The following GPC5 variants were observed in gnomAD, a reference collection of about 807,000 sequenced individuals.
GPC5 encodes the protein glypican 5, also known as glypican-5.
In GPC5, 47 loss-of-function variants were observed where a neutral mutation model predicts 53.9. The observed-to-expected ratio is 0.87, with a 90% CI of 0.69 to 1.11. GPC5 has a LOEUF of 1.11. Among genes scored for constraint, GPC5 ranks in the 50% most tolerant of loss-of-function variants. The pLI is 0.00. For synonymous variants in GPC5, 286 were observed against 263.3 expected (o/e 1.09, Z -0.84); for missense variants, 748 against 713.1 (o/e 1.05, Z -0.56).
intron 6 of GPC5, among the ~76,000 whole-genome samples, chr13:92,048,769 T>C (rs1441188482): frequency 6.6e-6 from 1 of 152,210 alleles, no homozygotes; most frequent in Non-Finnish European, 1.5e-5. Context: ...CTTTCATATA[T>C]GACACCGAGC....
chr13:91,535,680 C>T (rs1237215275), intron 2 of GPC5, among the ~76,000 whole-genome samples: 1 of 151,930 alleles, frequency 6.6e-6, no homozygotes, highest in Non-Finnish European at 1.5e-5. Context: ...AACGAATATA[C>T]ATAAAAAAAT....
chr13:92,521,335 A>G (rs1375956780), intron 7 of GPC5, among the ~76,000 whole-genome samples: 1 of 152,172 alleles, frequency 6.6e-6, no homozygotes, highest in Non-Finnish European at 1.5e-5. Context: ...CCTAAGCCAA[A>G]AGAACAAAGC....
intron 2 of GPC5, among the ~76,000 whole-genome samples, chr13:91,594,086 A>G (rs1049478127): frequency 6.6e-6 from 1 of 152,186 alleles, no homozygotes; most frequent in African/African-American, 2.4e-5. Flanking sequence ...ATCTTTCTTC[A>G]TGGGTTTTTC....
intron 7 of GPC5, among the ~76,000 whole-genome samples, chr13:92,244,058 A>G (rs1428765992): frequency 6.6e-6 from 1 of 152,210 alleles, no homozygotes; most frequent in Non-Finnish European, 1.5e-5. Context: ...ATAGAAGAGT[A>G]CACTCTGGAC....
intron 5 of GPC5, among the ~76,000 whole-genome samples, chr13:91,857,880 A>G (rs1795377322): frequency 6.6e-6 from 1 of 151,552 alleles, no homozygotes; most frequent in Non-Finnish European, 1.5e-5. Context: ...TCAGATCACT[A>G]TATGGATTTG....
At chr13:92,090,207 A>G (rs1359285134) in intron 6 of GPC5, among the ~76,000 whole-genome samples, 1 of 152,176 alleles carries the variant, frequency 6.6e-6, no homozygotes, top group African/African-American at 2.4e-5. Context: ...TACAACTTTT[A>G]TTGAAATATT....
At chr13:92,792,710 A>AG (rs1876507946) in intron 7 of GPC5, among the ~76,000 whole-genome samples, 1 of 152,184 alleles carries the variant, frequency 6.6e-6, no homozygotes, top group African/African-American at 2.4e-5. Context: ...GCAAATGGAA[A>AG]GCAAAAAAAG....
Position 92,484,355 on chromosome 13 carries a change from A to G in GPC5, c.1561+339366A>G, listed in dbSNP as rs1293484333. On this transcript the variant is annotated intron_variant, in intron 7 of 7. Transcript: ENST00000377067. ...TTTTTGTTTTTTAATATGCAGAAGG[A>G]GTATACTCTAAAATAACTATAAAAA... Among the ~76,000 whole-genome samples the G allele has an allele frequency of 2.0e-5, 3 of 152,336 alleles. No individual in the cohort carries two copies. The East Asian group carries it at 5.8e-4, about 29-fold the overall frequency.
chr13:92,425,139 T>C (rs1229783547), intron 7 of GPC5, among the ~76,000 whole-genome samples: 1 of 152,026 alleles, frequency 6.6e-6, no homozygotes. Context: ...TCAATCTCCA[T>C]TGATGCCTTT....
chr13:91,955,526 G>A (rs2040064853), intron 6 of GPC5, among the ~76,000 whole-genome samples: 1 of 151,890 alleles, frequency 6.6e-6, no homozygotes, highest in Non-Finnish European at 1.5e-5. Context: ...AAGCAAGGCA[G>A]CCTGGTTAGC....
chr13:92,745,018 TA>T (rs1889206053), intron 7 of GPC5, among the ~76,000 whole-genome samples: 1 of 152,072 alleles, frequency 6.6e-6, no homozygotes, highest in African/African-American at 2.4e-5. Flanking sequence ...TAATAATTCA[TA>T]TCAATAACTG....
intron 7 of GPC5, among the ~76,000 whole-genome samples, chr13:92,403,289 A>T (rs927305335): frequency 4.6e-5 from 7 of 152,202 alleles, no homozygotes; most frequent in Non-Finnish European, 1.0e-4. Flanking sequence ...TGCATTAAGT[A>T]CTATAAAAGC....
chr13:92,696,748 T>G (rs1280147794), intron 7 of GPC5, among the ~76,000 whole-genome samples: 1 of 152,216 alleles, frequency 6.6e-6, no homozygotes, highest in Admixed American at 6.5e-5. Flanking sequence ...TTGCTTTTGG[T>G]GTTTTAGTCA....
At chr13:91,945,205 T>A (rs2039963507) in intron 6 of GPC5, among the ~76,000 whole-genome samples, 1 of 152,210 alleles carries the variant, frequency 6.6e-6, no homozygotes, top group African/African-American at 2.4e-5. Context: ...CATTGCATAT[T>A]CTTTTCTCAC....
chr13:92,366,304 A>G lies in GPC5; in HGVS notation c.1561+221315A>G, dbSNP rs913773013. On this transcript the variant is annotated intron_variant, in intron 7 of 7. Transcript: ENST00000377067. ...CATTTGTAGCAGCAAGATTCTCTGT[A>G]TTCTAATTCTGGTCTTGCCCGGTTC... Among the ~76,000 whole-genome samples, 9 of 151,780 alleles carry G rather than the reference A, an allele frequency of 5.9e-5. 1 individual carries two copies. The highest frequency in any genetic ancestry group is 1.9e-4 in the African/African-American group (8 of 41,044).
intron 7 of GPC5, among the ~76,000 whole-genome samples, chr13:92,237,194 AAAAAT>A (rs1736934652): frequency 6.6e-6 from 1 of 152,104 alleles, no homozygotes; most frequent in Admixed American, 6.6e-5. Context: ...ACAATTGTAC[AAAAAT>A]AAAAGGTCTT....
intron 6 of GPC5, among the ~76,000 whole-genome samples, chr13:92,047,430 CTA>C (rs1555306863): frequency 1.3e-4 from 13 of 100,554 alleles, no homozygotes; most frequent in Non-Finnish European, 2.8e-4. Flanking sequence ...TCTTTTTAAA[CTA>C]TATATATATA....
At chr13:92,254,434 C>T (rs2042713089) in intron 7 of GPC5, among the ~76,000 whole-genome samples, 1 of 152,090 alleles carries the variant, frequency 6.6e-6, no homozygotes, top group Non-Finnish European at 1.5e-5. Context: ...ATTAGTTTCT[C>T]ACCTCTTTGA....
chr13:91,977,101 ATTT>A, intron 6 of GPC5, among the ~76,000 whole-genome samples: 1 of 152,016 alleles, frequency 6.6e-6, no homozygotes, highest in Middle Eastern at 3.4e-3. Context: ...AAGAGAGTCA[ATTT>A]TTATGTTTAT....
Sources: allele counts gnomAD v4.1 joint callset (sites outside exome capture counted in the v4.1 genomes callset), GRCh38; gene constraint gnomAD v4.1.1; transcripts MANE v1.5; gene names NCBI Gene and HGNC (gene_info 2026-07-23, HGNC 2026-07-21).